TCF25: variants seen among roughly 807,000 people sequenced by gnomAD.
The protein encoded by TCF25 is ribosome quality control complex subunit TCF25.
A neutral mutation model predicts 83.1 loss-of-function variants in TCF25; 41 were observed. The ratio of observed to expected loss-of-function variants is 0.49; its 90% CI spans 0.38 to 0.64. The LOEUF is 0.64. TCF25 is among the 30% of genes least tolerant of loss of function. The pLI, the probability that TCF25 is intolerant of heterozygous loss-of-function variation, is 0.00. For synonymous variants in TCF25, 458 were observed against 365.0 expected, an observed-to-expected ratio of 1.25 and a Z score of -2.90; for missense variants, 979 against 914.5, an observed-to-expected ratio of 1.07 and a Z score of -0.91.
chr16:89,881,810 A>G (rs1308919100), intron 1 of TCF25, among the ~76,000 whole-genome samples: 1 of 151,942 alleles, frequency 6.6e-6, no homozygotes, highest in Non-Finnish European at 1.5e-5. Flanking sequence ...GCTGGAGTGC[A>G]GTGGCATAAT....
rs1408375360 is a variant in TCF25, at chr16:89,911,090, C to G, written c.1883C>G (p.Pro628Arg). The G allele has an allele frequency of 1.2e-6, 2 of 1,610,940 alleles. No individual in the cohort carries two copies. Among genetic ancestry groups the G allele is most frequent in the Admixed American group, 3.3e-5 (2 of 60,012 alleles). The stretch of plus-strand genomic sequence containing the variant: ...GTCCCCTTGCTGCAGGGGGAGAGGC[C>G]CGAGGAAGGAGTGGCTGGGGGTCTG... ...LPNYTMEGER[P>R]EEGVAGGLNR... Residue 628 changes from proline (P) to arginine (R), a missense_variant, in exon 18 of 18, where the codon CCC (proline) becomes CGC (arginine). Physicochemically the swap from Pro to Arg is moderately radical, Grantham distance 103 (BLOSUM62 -2). Transcript: ENST00000263346.
At chr16:89,886,010 G>C (rs954347224) in intron 4 of TCF25, 44 bp downstream of exon 4, 3 of 1,540,696 alleles carry the variant, frequency 1.9e-6, no homozygotes, top group Admixed American at 1.7e-5. Context: ...CTCTGCGGCT[G>C]CCCTTCTCTG....
At chr16:89,907,197 C>T (rs763938069) in intron 15 of TCF25, 46 bp from the exon 16 acceptor site, 2 of 1,594,488 alleles carry the variant, frequency 1.3e-6, no homozygotes, top group Non-Finnish European at 1.7e-6. Context: ...GGTAGAGGCC[C>T]CCTGGCAGCA....
chr16:89,900,255 G>A (rs1478920014), intron 11 of TCF25, among the ~76,000 whole-genome samples: 3 of 152,204 alleles, frequency 2.0e-5, no homozygotes, highest in South Asian at 2.1e-4. Flanking sequence ...GGAAACTCGC[G>A]CGGCAGTGGG....
intron 17 of TCF25, 128 bp downstream of exon 17, chr16:89,910,791 G>C (rs976665401): frequency 1.8e-6 from 2 of 1,126,266 alleles, no homozygotes; most frequent in African/African-American, 1.5e-5. Flanking sequence ...AAGGACCAAG[G>C]CTGCATTGTG....
chr16:89,908,979 G>A (rs2045316036), intron 16 of TCF25: 2 of 1,289,518 alleles, frequency 1.6e-6, no homozygotes, highest in Non-Finnish European at 2.0e-6. Context: ...GGGAGAGGAG[G>A]AGAGGAACAG....
intron 1 of TCF25, among the ~76,000 whole-genome samples, chr16:89,875,382 G>C (rs552244383): frequency 6.6e-6 from 1 of 151,888 alleles, no homozygotes; most frequent in Non-Finnish European, 1.5e-5. Context: ...TGTCTCTAAC[G>C]TATTTTCTCG....
At chr16:89,893,943 G>T in intron 7 of TCF25, 85 bp downstream of exon 7, 1 of 1,530,608 alleles carries the variant, frequency 6.5e-7, no homozygotes, top group African/African-American at 1.4e-5. Flanking sequence ...GGTGGCTGGG[G>T]GAGGCATGCT....
Position 89,894,259 on chromosome 16 carries a change from C to T in TCF25, c.828+401C>T, listed in dbSNP as rs557720515. ...GCCCCCACACGGCCCCGGACGGCCC[C>T]CGCGCAGCCCCAGACAGCCCCGGAC... On this transcript the variant is annotated intron_variant, in intron 7 of 17. Coordinates refer to ENST00000263346, the MANE Select transcript of TCF25 (RefSeq NM_014972.3). Among the ~76,000 whole-genome samples, 447 of 151,970 alleles carry T rather than the reference C, an allele frequency of 2.9e-3. 2 individuals are homozygous for T. The highest frequency in any genetic ancestry group is 4.4e-3 in the Non-Finnish European group (296 of 67,932).
At chr16:89,906,901 C>T (rs563422559) in intron 15 of TCF25, among the ~76,000 whole-genome samples, 1 of 152,078 alleles carries the variant, frequency 6.6e-6, no homozygotes, top group South Asian at 2.1e-4. Context: ...GTCCCTGTAG[C>T]CTGCATTTGC....
chr16:89,887,996 G>A (rs1426046795), intron 5 of TCF25, among the ~76,000 whole-genome samples: 1 of 152,156 alleles, frequency 6.6e-6, no homozygotes, highest in African/African-American at 2.4e-5. Flanking sequence ...GCCGAGTGCA[G>A]TGCTCACGCC....
intron 16 of TCF25, chr16:89,909,509 CA>C (rs11356338): frequency 0.23 from 14,877 of 64,022 alleles, 922 homozygotes; most frequent in Middle Eastern, 0.45. Flanking sequence ...GACTCCGTCT[CA>C]AAAAAAAAAA....
chr16:89,906,348 C>T, intron 15 of TCF25, 64 bp downstream of exon 15: 1 of 1,535,022 alleles, frequency 6.5e-7, no homozygotes, highest in Non-Finnish European at 8.9e-7. Flanking sequence ...CCCTTCTGCT[C>T]CGGGCGGTCC....
chr16:89,894,083 C>T (rs911947105), intron 7 of TCF25, among the ~76,000 whole-genome samples: 3 of 152,172 alleles, frequency 2.0e-5, no homozygotes, highest in Non-Finnish European at 4.4e-5. Context: ...GAGGCTGGAG[C>T]GCTGCTCTCT....
chr16:89,910,744 T>G (rs1420468590), intron 17 of TCF25, 81 bp downstream of exon 17: 1 of 1,479,884 alleles, frequency 6.8e-7, no homozygotes, highest in Non-Finnish European at 9.4e-7. Context: ...GGAGCCTCCT[T>G]GAACCAGGAC....
At position 89,885,813 on chromosome 16, in the gene TCF25, G is replaced by C. The variant is rs535723805; in HGVS notation, c.430-35G>C. On this transcript the variant is annotated intron_variant, in intron 3 of 17. Transcript: ENST00000263346. ...TGTTACAATATTTAAAATAATGTCA[G>C]TGTGGTGATTAAGAGGTTGTTTTGG... 4 of 1,473,634 alleles carry C rather than the reference G, an allele frequency of 2.7e-6. No individual in the cohort carries two copies. In the South Asian group the frequency reaches 3.4e-5, roughly 13 times the overall value. The allele number at this position is 1,473,634 out of a possible 1,614,324, so 91.3% of individuals were successfully genotyped here.
At chr16:89,897,989 G>A (rs1215456040) in intron 9 of TCF25, among the ~76,000 whole-genome samples, 1 of 152,018 alleles carries the variant, frequency 6.6e-6, no homozygotes, top group East Asian at 1.9e-4. Context: ...TGTAGTCTCA[G>A]CTACTTGGAG....
chr16:89,892,237 C>A lies in TCF25; in HGVS notation c.659C>A (p.Thr220Asn). 1.2e-6 allele frequency: 2 copies of A among 1,613,092 alleles called. No homozygotes were observed. The highest frequency in any genetic ancestry group is 8.5e-7 in the Non-Finnish European group (1 of 1,179,738). ...QRVYPKCTWL[T>N]TPKSTWPRYS... Reference sequence around the variant, plus strand: ...GTGTACCCCAAGTGCACATGGCTGACCACCCCTAAAAGCACCTGGCCCCGC... The same window carrying A: ...GTGTACCCCAAGTGCACATGGCTGAACACCCCTAAAAGCACCTGGCCCCGC... Residue 220 changes from threonine (T) to asparagine (N), a missense_variant, in exon 6 of 18, where the codon ACC (threonine) becomes AAC (asparagine). Thr to Asn is a moderately conservative substitution (Grantham distance 65). Coordinates refer to ENST00000263346, the MANE Select transcript of TCF25 (RefSeq NM_014972.3).
intron 14 of TCF25, among the ~76,000 whole-genome samples, chr16:89,905,882 C>G (rs1174958162): frequency 6.6e-6 from 1 of 152,224 alleles, no homozygotes; most frequent in Non-Finnish European, 1.5e-5. Flanking sequence ...ACCCAGGTGT[C>G]CCTTCATGGA....
Sources: gnomAD v4.1 joint callset for allele counts (sites outside exome capture counted in the v4.1 genomes callset) on GRCh38, gnomAD v4.1.1 for gene constraint, MANE v1.5 for transcripts, NCBI Gene and HGNC (gene_info 2026-07-23, HGNC 2026-07-21) for gene names.